The following CD276 variants were observed in gnomAD, a reference collection of about 807,000 sequenced individuals.
CD276 encodes CD276 molecule.
In CD276, 34 loss-of-function variants were observed where a neutral mutation model predicts 50.0. That is an observed-to-expected ratio of 0.68 (90% CI 0.52 to 0.91). The LOEUF is 0.91. CD276 is among the 40% of genes least tolerant of loss of function. The pLI, the probability that CD276 is intolerant of heterozygous loss-of-function variation, is 0.00. For synonymous variants in CD276, 275 were observed against 313.0 expected (o/e 0.88, Z 1.28); for missense variants, 634 against 717.5 (o/e 0.88, Z 1.33).
In CD276 at chr15:73,704,720, C is replaced by T. The variant is rs144271940; in HGVS notation, c.1369+248C>T. Among the ~76,000 whole-genome samples the T allele has an allele frequency of 5.6e-3, 848 of 152,310 alleles. 5 individuals are homozygous for T. The highest frequency in any genetic ancestry group is 0.019 in the African/African-American group (805 of 41,558). On this transcript the variant is annotated intron_variant, in intron 6 of 9. Transcript: ENST00000318443. This position sits in a 1 kb window ranked among gnomAD's most constrained non-coding sequence, Gnocchi z 4.1. Reference sequence around the variant, plus strand: ...GCTTCTTATGCAGAGGACAAGGTACCTGCCCGAAATTTGGAGGCATGGGCA... The same window carrying T: ...GCTTCTTATGCAGAGGACAAGGTACTTGCCCGAAATTTGGAGGCATGGGCA...
rs758843732 is a variant in CD276, at chr15:73,699,568, G to T, written c.-54-18G>T. On this transcript the variant is annotated intron_variant, in intron 1 of 9. Coordinates refer to ENST00000318443, the MANE Select transcript of CD276 (RefSeq NM_001024736.2). Reference sequence around the variant, plus strand: ...GAGAACCTTTGGAGACAAAGGCCTTGCGTCCTCTTTCTCCCAGGCAGGGGC... The same window carrying T: ...GAGAACCTTTGGAGACAAAGGCCTTTCGTCCTCTTTCTCCCAGGCAGGGGC... 1.3e-6 allele frequency: 2 copies of T among 1,578,000 alleles called. No homozygotes were observed. Among genetic ancestry groups the T allele is most frequent in the South Asian group, 2.3e-5 (2 of 86,964 alleles).
intron 1 of CD276, among the ~76,000 whole-genome samples, chr15:73,688,127 G>C (rs564097763): frequency 6.6e-6 from 1 of 152,234 alleles, no homozygotes; most frequent in South Asian, 2.1e-4. Context: ...GGCACTGATA[G>C]GGCTCTAGGT....
Position 73,713,680 on chromosome 15 carries a change from C to G in CD276, c.*724C>G, listed in dbSNP as rs1351600033. 4.7e-6 allele frequency: 2 copies of G among 422,114 alleles called. No homozygotes were observed. Among genetic ancestry groups the G allele is most frequent in the Admixed American group, 5.7e-5 (2 of 35,080 alleles). 26.1% of individuals were successfully genotyped at this position (422,114 alleles called of 1,614,324 possible). The stretch of plus-strand genomic sequence containing the variant: ...GAACACGTGTGGTTCCCCCCTGGCC[C>G]AGCCTCCTCTGCAGTGCCCCTCTCC... On this transcript the variant is annotated 3_prime_UTR_variant, in exon 10 of 10. Transcript: ENST00000318443.
intron 1 of CD276, among the ~76,000 whole-genome samples, chr15:73,693,048 T>C (rs961455154): frequency 6.6e-6 from 1 of 152,112 alleles, no homozygotes; most frequent in Non-Finnish European, 1.5e-5. Flanking sequence ...GGGGATGAGA[T>C]GGGTAGATGG....
chr15:73,703,691 G>A lies in CD276; in HGVS notation c.766G>A (p.Val256Met), dbSNP rs140493705. The A allele has an allele frequency of 3.7e-6, 6 of 1,612,738 alleles. No homozygotes were observed. The Admixed American group carries it at 5.0e-5, about 13-fold the overall frequency. ...AVEVQVPEDP[V>M]VALVGTDATL... ...GGAGGTCCAGGTCCCTGAGGACCCG[G>A]TGGTGGCCCTAGTGGGCACCGATGC... Residue 256 changes from valine to methionine, a missense_variant, in exon 5 of 10, where the codon GTG becomes ATG. By Grantham distance (21) the Val-to-Met change is conservative. Transcript: ENST00000318443.
In CD276 at chr15:73,702,106, T is replaced by C. The variant is rs951744113; in HGVS notation, c.80-149T>C. The C allele has an allele frequency of 4.8e-5, 31 of 644,290 alleles. 1 individual carries two copies. Among genetic ancestry groups the C allele is most frequent in the African/African-American group, 3.8e-4 (21 of 54,706 alleles). The allele number at this position is 644,290 out of a possible 1,614,324, so 39.9% of individuals were successfully genotyped here. A position where few individuals can be genotyped will look rare whatever the true frequency, so the allele number is the denominator to read the frequency against. ...GGTGCTGACTATATTCTTGACTGAA[T>C]GAGGTCCTAAGACAATAAATTACTT... On this transcript the variant is annotated intron_variant, in intron 2 of 9. Coordinates refer to ENST00000318443, the MANE Select transcript of CD276 (RefSeq NM_001024736.2).
intron 1 of CD276, among the ~76,000 whole-genome samples, chr15:73,690,030 T>C (rs556123323): frequency 1.3e-5 from 2 of 152,348 alleles, no homozygotes; most frequent in South Asian, 4.1e-4. Context: ...GTGTATCAAG[T>C]AGAAAACAGT....
chr15:73,688,628 G>A (rs1225053745), intron 1 of CD276, among the ~76,000 whole-genome samples: 4 of 152,192 alleles, frequency 2.6e-5, no homozygotes, highest in Non-Finnish European at 5.9e-5. Flanking sequence ...TCTGCTGGTG[G>A]CTGATAATTG....
chr15:73,693,763 G>A (rs2141544197), intron 1 of CD276, among the ~76,000 whole-genome samples: 1 of 152,266 alleles, frequency 6.6e-6, no homozygotes, highest in African/African-American at 2.4e-5. Context: ...GTTGTGGGCT[G>A]TATTGGGAGA....
intron 1 of CD276, among the ~76,000 whole-genome samples, chr15:73,693,406 T>TA (rs1347888678): frequency 1.3e-5 from 2 of 152,140 alleles, no homozygotes; most frequent in Non-Finnish European, 2.9e-5. Flanking sequence ...AACTTCATGT[T>TA]ATATATATTT....
At chr15:73,686,315 G>A (rs1899757870) in intron 1 of CD276, 5 of 984,932 alleles carry the variant, frequency 5.1e-6, no homozygotes, top group Non-Finnish European at 6.0e-6. Context: ...TAAGGAGCCT[G>A]TGTTAATGCA....
At chr15:73,684,191 C>T (rs1042387517), upstream of CD276, 1 of 23,554 alleles carries the variant, frequency 4.2e-5, no homozygotes, top group African/African-American at 1.8e-4. Context: ...GGCCTGGGGG[C>T]GGGGCGGGGC....
At chr15:73,691,247 GT>G (rs1899977151) in intron 1 of CD276, among the ~76,000 whole-genome samples, 1 of 151,818 alleles carries the variant, frequency 6.6e-6, no homozygotes, top group African/African-American at 2.4e-5. Context: ...AAAAAGACTT[GT>G]TTAAGTACCT....
intron 1 of CD276, among the ~76,000 whole-genome samples, chr15:73,695,812 C>A (rs185544159): frequency 3.9e-5 from 6 of 152,326 alleles, no homozygotes; most frequent in Admixed American, 6.5e-5. Flanking sequence ...TCTTTCTGAC[C>A]CTTTTTGTCC....
chr15:73,708,917 T>C (rs1900765480), intron 7 of CD276, among the ~76,000 whole-genome samples: 1 of 152,202 alleles, frequency 6.6e-6, no homozygotes, highest in East Asian at 1.9e-4. Flanking sequence ...CAGCTGCCAT[T>C]TGCGGGGCTG....
At position 73,703,822 on chromosome 15, in the gene CD276, A is replaced by T. The variant is rs1244657355; in HGVS notation, c.897A>T (p.Glu299Asp). Reference sequence around the variant, plus strand: ...AACAGCTGGTGCACAGTTTCACCGAAGGCCGGGACCAGGGCAGCGCCTATG... The same window carrying T: ...AACAGCTGGTGCACAGTTTCACCGATGGCCGGGACCAGGGCAGCGCCTATG... ...DTKQLVHSFT[E>D]GRDQGSAYAN... Residue 299 changes from glutamate (E) to aspartate (D), a missense_variant, in exon 5 of 10, where the codon GAA becomes GAT. By Grantham distance (45) the Glu-to-Asp change is conservative. Transcript: ENST00000318443. 3 of 1,613,686 alleles carry T rather than the reference A, an allele frequency of 1.9e-6. No homozygotes were observed. The Admixed American group carries it at 5.0e-5, about 27-fold the overall frequency.
At chr15:73,684,205 G>A (rs1899641549), upstream of CD276, 1 of 151,964 alleles carries the variant, frequency 6.6e-6, no homozygotes. Flanking sequence ...GCGGGGCGGG[G>A]GCGGGGGCCA....
chr15:73,708,059 T>C (rs772363356), intron 6 of CD276, among the ~76,000 whole-genome samples: 2 of 152,160 alleles, frequency 1.3e-5, no homozygotes, highest in Non-Finnish European at 2.9e-5. Context: ...CTTGAAGCAT[T>C]ATTCTAAAGT....
intron 8 of CD276, 126 bp from the exon 9 acceptor site, chr15:73,711,009 T>C (rs1460272649): frequency 1.1e-6 from 1 of 906,980 alleles, no homozygotes; most frequent in Non-Finnish European, 1.8e-6. Context: ...CCTTGTGCTA[T>C]GAAGTGGTCC....
Sources: allele counts gnomAD v4.1 joint callset (sites outside exome capture counted in the v4.1 genomes callset), GRCh38; gene constraint gnomAD v4.1.1; non-coding constraint Gnocchi (gnomAD v3.1); transcripts MANE v1.5; gene names NCBI Gene and HGNC (gene_info 2026-07-23, HGNC 2026-07-21).